Variants in CDH5 observed in about 807,000 individuals in gnomAD.
The protein encoded by CDH5 is cadherin 5.
A neutral mutation model predicts 62.0 loss-of-function variants in CDH5; 28 were observed. The observed-to-expected ratio is 0.45, with a 90% confidence interval of 0.33 to 0.62. CDH5 has a LOEUF of 0.62. Ranked by LOEUF, CDH5 falls within the 20% of genes least tolerant of loss-of-function variation. CDH5 has a pLI of 0.02. For missense variants in CDH5, 940 were observed against 1,065.1 expected, an observed-to-expected ratio of 0.88 and a Z score of 1.63; for synonymous variants, 464 against 445.8, an observed-to-expected ratio of 1.04 and a Z score of -0.52.
chr16:66,399,504 G>A (rs1275614044), intron 10 of CDH5, among the ~76,000 whole-genome samples: 1 of 152,220 alleles, frequency 6.6e-6, no homozygotes, highest in Non-Finnish European at 1.5e-5. Context: ...GAAAGTTGGA[G>A]GCAGACTTGA....
chr16:66,389,245 G>C, intron 4 of CDH5, 113 bp from the exon 5 acceptor site: 1 of 1,001,984 alleles, frequency 1.0e-6, no homozygotes, highest in Non-Finnish European at 1.5e-6. Context: ...AGCCCCATTT[G>C]CACAGTGGAA....
intron 2 of CDH5, among the ~76,000 whole-genome samples, chr16:66,383,436 A>T (rs1960930868): frequency 6.6e-6 from 1 of 152,194 alleles, no homozygotes. Flanking sequence ...AGGGAAGAAA[A>T]ATTGAAGGGA....
chr16:66,369,174 G>A (rs74668162), intron 1 of CDH5, among the ~76,000 whole-genome samples: 1 of 152,316 alleles, frequency 6.6e-6, no homozygotes, highest in African/African-American at 2.4e-5. Flanking sequence ...GGCAGGTCCA[G>A]ATACTAGAAG....
chr16:66,401,564 AG>A (rs1262403142), intron 11 of CDH5, among the ~76,000 whole-genome samples: 1 of 152,150 alleles, frequency 6.6e-6, no homozygotes, highest in Non-Finnish European at 1.5e-5. Flanking sequence ...TGGATTTCCC[AG>A]GGAGCAGCCC....
chr16:66,379,126 T>C, intron 1 of CDH5, 193 bp from the exon 2 acceptor site: 2 of 550,106 alleles, frequency 3.6e-6, no homozygotes, highest in Non-Finnish European at 6.3e-6. Flanking sequence ...ACTCATGTTG[T>C]CCTAAAACCG....
intron 1 of CDH5, among the ~76,000 whole-genome samples, chr16:66,375,932 C>T (rs910351158): frequency 6.6e-6 from 1 of 151,860 alleles, no homozygotes; most frequent in Non-Finnish European, 1.5e-5. Context: ...CAAGGTGAAA[C>T]CCCGTCTCTA....
At chr16:66,387,166 C>A (rs1961001470) in intron 3 of CDH5, 69 bp downstream of exon 3, 3 of 1,439,976 alleles carry the variant, frequency 2.1e-6, no homozygotes, top group Non-Finnish European at 1.9e-6. Flanking sequence ...CTCACATCAG[C>A]CACTTCACTG....
intron 2 of CDH5, among the ~76,000 whole-genome samples, chr16:66,381,876 T>C (rs1164867044): frequency 1.3e-5 from 2 of 152,248 alleles, no homozygotes; most frequent in African/African-American, 4.8e-5. Context: ...AAAGACCAAA[T>C]GACCATAAGG....
rs772543864 is a variant in CDH5 at position 66,400,941 on chromosome 16, G to A, written c.1762G>A (p.Glu588Lys). The change falls in exon 11 of 12, where the codon GAG (glutamate) becomes AAG (lysine). Residue 588 changes from glutamate (E) to lysine (K), a missense_variant. By Grantham distance (56) the Glu-to-Lys change is moderately conservative (BLOSUM62 1). Transcript: ENST00000341529. ...CNEQGEFTFCEDMAAQVGVSI... is the reference protein window; with the variant it reads ...CNEQGEFTFCKDMAAQVGVSI... ...CGAGCAGGGCGAGTTCACCTTCTGC[G>A]AGGATATGGCCGCCCAGGTGGGCGT... The A allele has an allele frequency of 9.9e-6, 16 of 1,614,058 alleles. No individual in the cohort carries two copies. Among genetic ancestry groups the A allele is most frequent in the Middle Eastern group, 1.6e-4 (1 of 6,080 alleles).
At chr16:66,383,032 A>G (rs2064395556) in intron 2 of CDH5, among the ~76,000 whole-genome samples, 1 of 152,190 alleles carries the variant, frequency 6.6e-6, no homozygotes, top group Non-Finnish European at 1.5e-5. Context: ...TGAGAGAAAC[A>G]TCAGACAAAT....
At chr16:66,390,321 A>G in intron 5 of CDH5, 82 bp from the exon 6 acceptor site, 1 of 1,048,466 alleles carries the variant, frequency 9.5e-7, no homozygotes, top group Non-Finnish European at 1.4e-6. Context: ...TTTTATCAAA[A>G]TATGTTAGAA....
At chr16:66,371,560 C>T (rs1033151913) in intron 1 of CDH5, among the ~76,000 whole-genome samples, 1 of 152,142 alleles carries the variant, frequency 6.6e-6, no homozygotes, top group African/African-American at 2.4e-5. Context: ...CAGGGGTGTG[C>T]ACTTGTGAAG....
rs1961224343 is a variant in CDH5 at position 66,398,385 on chromosome 16, C to T, written c.1486-71C>T. On this transcript the variant is annotated intron_variant, in intron 9 of 11. Coordinates refer to ENST00000341529, the MANE Select transcript of CDH5 (RefSeq NM_001795.5). ...GGTCAGGACTTAAACCCAAAGGCTC[C>T]ATCGCTAAACCTCAGACCACCCCAC... 10 of 991,310 alleles carry T rather than the reference C, an allele frequency of 1.0e-5. No homozygotes were observed. In the Admixed American group the frequency reaches 1.6e-4, roughly 16 times the overall value. 61.4% of individuals were successfully genotyped at this position (991,310 alleles called of 1,614,324 possible). A position where few individuals can be genotyped will look rare whatever the true frequency, so the allele number is the denominator to read the frequency against.
chr16:66,379,283 C>A, intron 1 of CDH5, 36 bp from the exon 2 acceptor site: 1 of 1,483,010 alleles, frequency 6.7e-7, no homozygotes, highest in Non-Finnish European at 9.2e-7. Context: ...TTCATCGTCA[C>A]TGGCCAGAGT....
intron 4 of CDH5, 25 bp from the exon 5 acceptor site, chr16:66,389,333 G>T (rs753770803): frequency 1.9e-6 from 3 of 1,597,200 alleles, no homozygotes; most frequent in Non-Finnish European, 1.7e-6. Context: ...TGGTAACATG[G>T]TTCCTGCTGG....
chr16:66,400,752 G>A lies in CDH5; in HGVS notation c.1592-19G>A, dbSNP rs369481908. 1.8e-5 allele frequency: 29 copies of A among 1,613,944 alleles called. No individual in the cohort carries two copies. Among genetic ancestry groups the A allele is most frequent in the East Asian group, 2.2e-5 (1 of 44,900 alleles). ...TGTGCAGATGGCAAAGCCTGACTCC[G>A]AGGCCTTGGTGTTTCCAGATAACAC... On this transcript the variant is annotated intron_variant, in intron 10 of 11. Transcript: ENST00000341529.
chr16:66,383,734 G>A (rs1046331842), intron 2 of CDH5, among the ~76,000 whole-genome samples: 17 of 152,090 alleles, frequency 1.1e-4, no homozygotes, highest in African/African-American at 4.1e-4. Flanking sequence ...CCTGGCCACT[G>A]GGCCTTAGTA....
Position 66,396,180 on chromosome 16 carries a change from G to A in CDH5, c.1339G>A (p.Ala447Thr), listed in dbSNP as rs751283268. 6.2e-7 allele frequency: 1 copy of A among 1,614,136 alleles called. No homozygotes were observed. Among genetic ancestry groups the A allele is most frequent in the South Asian group, 1.1e-5 (1 of 91,064 alleles). ...VYPWYNLTVE[A>T]KELDSTGTPT... ...CCCCTGGTATAACCTGACTGTGGAG[G>A]CCAAAGAACTGGATTCCACTGGTGA... Residue 447 changes from alanine to threonine, a missense_variant, in exon 8 of 12, where the codon GCC (alanine) becomes ACC (threonine). Coordinates refer to ENST00000341529, the MANE Select transcript of CDH5 (RefSeq NM_001795.5).
At chr16:66,372,683 G>C (rs553099163) in intron 1 of CDH5, among the ~76,000 whole-genome samples, 9 of 152,302 alleles carry the variant, frequency 5.9e-5, no homozygotes, top group Non-Finnish European at 8.8e-5. Flanking sequence ...ACCCACGGTA[G>C]ATACAGACCT....
Sources: gnomAD v4.1 joint callset for allele counts (sites outside exome capture counted in the v4.1 genomes callset) on GRCh38, gnomAD v4.1.1 for gene constraint, MANE v1.5 for transcripts, NCBI Gene and HGNC (gene_info 2026-07-23, HGNC 2026-07-21) for gene names.